GABBR2: variants seen among roughly 807,000 people sequenced by gnomAD.
The protein encoded by GABBR2 is gamma-aminobutyric acid type B receptor subunit 2, also known as G-protein coupled receptor 51.
GABBR2 carries 23 observed loss-of-function variants against 105.6 expected under a neutral mutation model. The observed-to-expected ratio is 0.22, with a 90% confidence interval of 0.16 to 0.31. The LOEUF is 0.31. Ranked by LOEUF, GABBR2 falls within the 10% of genes least tolerant of loss-of-function variation. The probability of loss-of-function intolerance (pLI) is 1.00; values close to 1 mark genes in which losing one functional copy is unlikely to be tolerated. For synonymous variants in GABBR2, 478 were observed against 499.7 expected (o/e 0.96, Z 0.58); for missense variants, 734 against 1,245.5 (o/e 0.59, Z 6.18).
chr9:98,453,820 G>A (rs1393307262), intron 7 of GABBR2, among the ~76,000 whole-genome samples, 161 bp downstream of exon 7: 2 of 152,160 alleles, frequency 1.3e-5, no homozygotes, highest in Non-Finnish European at 2.9e-5. Flanking sequence ...CACTGCCCCT[G>A]CCCCTTGTCT....
intron 7 of GABBR2, among the ~76,000 whole-genome samples, chr9:98,453,167 C>T (rs573299428): frequency 5.9e-5 from 9 of 152,308 alleles, no homozygotes; most frequent in East Asian, 3.9e-4. Context: ...GCTGGGATTA[C>T]GGGCATGTGC....
At chr9:98,487,458 T>C (rs2131657095) in intron 4 of GABBR2, among the ~76,000 whole-genome samples, 1 of 152,294 alleles carries the variant, frequency 6.6e-6, no homozygotes, top group South Asian at 2.1e-4. Context: ...ACCTTTGTAG[T>C]TGTCTTATGC....
At chr9:98,308,671 G>C (rs1003240560) in intron 14 of GABBR2, among the ~76,000 whole-genome samples, 6 of 152,160 alleles carry the variant, frequency 3.9e-5, no homozygotes, top group Non-Finnish European at 8.8e-5. Context: ...GAGTCATGCG[G>C]TCACAAGCCA....
intron 16 of GABBR2, among the ~76,000 whole-genome samples, chr9:98,300,173 C>T (rs1469276934): frequency 6.6e-6 from 1 of 151,464 alleles, no homozygotes; most frequent in Non-Finnish European, 1.5e-5. Flanking sequence ...CTTATAATTA[C>T]TATTACTGAT....
At chr9:98,595,762 T>G (rs1435248663) in intron 1 of GABBR2, among the ~76,000 whole-genome samples, 1 of 152,058 alleles carries the variant, frequency 6.6e-6, no homozygotes, top group Non-Finnish European at 1.5e-5. Context: ...AATTCCTGGA[T>G]AGACAGGAGG....
At chr9:98,564,486 G>T (rs1828722467) in intron 2 of GABBR2, among the ~76,000 whole-genome samples, 1 of 152,218 alleles carries the variant, frequency 6.6e-6, no homozygotes, top group Non-Finnish European at 1.5e-5. Flanking sequence ...AGCCATTTAA[G>T]AAGGGCAATC....
At chr9:98,463,849 T>A (rs1221155628) in intron 6 of GABBR2, among the ~76,000 whole-genome samples, 6 of 152,206 alleles carry the variant, frequency 3.9e-5, no homozygotes, top group Admixed American at 3.9e-4. Context: ...TTGACCGGGC[T>A]GGTGTCCAGC....
intron 1 of GABBR2, among the ~76,000 whole-genome samples, chr9:98,670,168 C>T (rs753090044): frequency 1.3e-5 from 2 of 152,090 alleles, no homozygotes; most frequent in Non-Finnish European, 2.9e-5. Flanking sequence ...ATATAATTCA[C>T]ATATACAAAT....
intron 1 of GABBR2, among the ~76,000 whole-genome samples, chr9:98,662,927 A>G (rs1283289652): frequency 6.6e-6 from 1 of 152,206 alleles, no homozygotes; most frequent in Non-Finnish European, 1.5e-5. Context: ...CGACCCAGAC[A>G]GCATGTCCCA....
In GABBR2 at chr9:98,311,246, C is replaced by T. The variant is rs960270516; in HGVS notation, c.1894-41G>A. On this transcript the variant is annotated intron_variant, in intron 13 of 18. Coordinates refer to ENST00000259455, the MANE Select transcript of GABBR2 (RefSeq NM_005458.8). ...ACAGAGACTCAGGGATGGCACAGGACACTCTTCCAGCAACTGGGTCCTTAT... is the reference window on the plus strand; with the variant it reads ...ACAGAGACTCAGGGATGGCACAGGATACTCTTCCAGCAACTGGGTCCTTAT... 1.3e-5 allele frequency: 16 copies of T among 1,275,286 alleles called. No homozygotes were observed. The African/African-American group carries it at 1.9e-4, about 15-fold the overall frequency. 79.0% of individuals were successfully genotyped at this position (1,275,286 alleles called of 1,614,324 possible).
chr9:98,507,033 T>C (rs543867592), intron 3 of GABBR2, among the ~76,000 whole-genome samples: 2 of 152,272 alleles, frequency 1.3e-5, no homozygotes, highest in African/African-American at 4.8e-5. Context: ...CTCGGCCCAA[T>C]TTCAAGAAGG....
chr9:98,317,782 A>C (rs1211879451), intron 13 of GABBR2, among the ~76,000 whole-genome samples: 1 of 152,126 alleles, frequency 6.6e-6, no homozygotes, highest in Non-Finnish European at 1.5e-5. Flanking sequence ...GCCTTCTTGG[A>C]GGGTACATTC....
chr9:98,594,522 T>G (rs1447582928), intron 1 of GABBR2, among the ~76,000 whole-genome samples: 2 of 151,988 alleles, frequency 1.3e-5, no homozygotes, highest in Non-Finnish European at 2.9e-5. Flanking sequence ...GAGAGGAATT[T>G]GCTGGAGGGG....
intron 7 of GABBR2, among the ~76,000 whole-genome samples, chr9:98,412,299 G>A (rs1033730738): frequency 6.6e-6 from 1 of 152,366 alleles, no homozygotes; most frequent in African/African-American, 2.4e-5. Flanking sequence ...GGCCTACTGA[G>A]GGACAGTCTC....
intron 6 of GABBR2, among the ~76,000 whole-genome samples, chr9:98,459,112 A>G (rs1260311592): frequency 1.3e-5 from 2 of 152,196 alleles, no homozygotes; most frequent in East Asian, 3.9e-4. Context: ...CCCTTTATAC[A>G]CAACAGCCCC....
chr9:98,601,111 A>G (rs530755151), intron 1 of GABBR2, among the ~76,000 whole-genome samples: 3 of 143,294 alleles, frequency 2.1e-5, no homozygotes, highest in Admixed American at 6.8e-5. Flanking sequence ...TTCTACAACA[A>G]TAACAGTGCT....
At position 98,708,789 on chromosome 9, in the gene GABBR2, C is replaced by T. The variant is rs1830939978; in HGVS notation, c.-52G>A. ...CTCACTCGGCCCGCATGGCCTGGCC[C>T]GGCCCGCCGCCCCGCGCCAAGGTCT... On this transcript the variant is annotated 5_prime_UTR_variant, in exon 1 of 19. Coordinates refer to ENST00000259455, the MANE Select transcript of GABBR2 (RefSeq NM_005458.8). The T allele has an allele frequency of 5.2e-6, 5 of 967,242 alleles. No individual in the cohort carries two copies. The highest frequency in any genetic ancestry group is 4.9e-6 in the Non-Finnish European group (4 of 815,822). The allele number at this position is 967,242 out of a possible 1,614,324, so 59.9% of individuals were successfully genotyped here.
At chr9:98,422,201 G>A (rs533864163) in intron 7 of GABBR2, among the ~76,000 whole-genome samples, 1 of 152,266 alleles carries the variant, frequency 6.6e-6, no homozygotes, top group South Asian at 2.1e-4. Context: ...AAGACAGTAG[G>A]CACATGAAAA....
intron 7 of GABBR2, among the ~76,000 whole-genome samples, chr9:98,433,324 GGTCT>G (rs1479365179): frequency 2.0e-5 from 3 of 151,930 alleles, no homozygotes; most frequent in African/African-American, 4.8e-5. Flanking sequence ...ATATGCCATG[GGTCT>G]GTAAGTATAT....
Sources: allele counts gnomAD v4.1 joint callset (sites outside exome capture counted in the v4.1 genomes callset), GRCh38; gene constraint gnomAD v4.1.1; transcripts MANE v1.5; gene names NCBI Gene and HGNC (gene_info 2026-07-23, HGNC 2026-07-21).